The following LAMA1 variants were observed in gnomAD, a reference collection of about 807,000 sequenced individuals.
LAMA1 encodes laminin subunit alpha 1.
A neutral mutation model predicts 348.7 loss-of-function variants in LAMA1; 219 were observed. That is an observed-to-expected ratio of 0.63 (90% CI 0.56 to 0.70). The LOEUF (loss-of-function observed/expected upper bound fraction) is 0.70. LAMA1 is among the 30% of genes least tolerant of loss of function. LAMA1 has a pLI of 0.00. For missense variants in LAMA1, 3,744 were observed against 3,888.0 expected (o/e 0.96, Z 0.99); for synonymous variants, 1,487 against 1,491.0 (o/e 1.00, Z 0.06).
At position 7,062,388 on chromosome 18, in the gene LAMA1, G is replaced by A. The variant is rs925265602; in HGVS notation, c.346-11452C>T. The stretch of plus-strand genomic sequence containing the variant: ...GGGAACTCTGAGGGCAGAGCACAGA[G>A]GAAGGAGTGCAGAGATGGCAGGAGA... On this transcript the variant is annotated intron_variant, in intron 3 of 62. Coordinates refer to ENST00000389658, the MANE Select transcript of LAMA1 (RefSeq NM_005559.4). Among the ~76,000 whole-genome samples the A allele has an allele frequency of 2.0e-5, 3 of 152,220 alleles. No individual in the cohort carries two copies. The South Asian group carries it at 6.2e-4, about 31-fold the overall frequency.
At chr18:7,097,459 T>C (rs2058266470) in intron 1 of LAMA1, among the ~76,000 whole-genome samples, 1 of 151,112 alleles carries the variant, frequency 6.6e-6, no homozygotes, top group Non-Finnish European at 1.5e-5. Flanking sequence ...CTTAAATTGA[T>C]CTGTAGGTTC....
chr18:7,102,836 A>G (rs922989002), intron 1 of LAMA1, among the ~76,000 whole-genome samples: 13 of 152,224 alleles, frequency 8.5e-5, no homozygotes, highest in African/African-American at 2.9e-4. Flanking sequence ...CTAAATCTAG[A>G]AATAAGTTTT....
intron 61 of LAMA1, among the ~76,000 whole-genome samples, chr18:6,946,015 G>A (rs933092801): frequency 3.3e-5 from 5 of 152,012 alleles, no homozygotes; most frequent in African/African-American, 1.2e-4. Flanking sequence ...TTTTCAAGCA[G>A]GAGACTAAAG....
chr18:7,030,847 C>A (rs141661085), intron 16 of LAMA1, among the ~76,000 whole-genome samples: 107 of 150,166 alleles, frequency 7.1e-4, no homozygotes, highest in Non-Finnish European at 1.1e-3. Flanking sequence ...CCCACCCCAC[C>A]CCAAATGCTG....
intron 51 of LAMA1, among the ~76,000 whole-genome samples, chr18:6,962,870 A>T (rs1179773685): frequency 6.6e-6 from 1 of 152,134 alleles, no homozygotes; most frequent in Non-Finnish European, 1.5e-5. Context: ...TCTACTTCTC[A>T]ATGTTCAAGT....
chr18:6,976,162 T>C (rs999222750), intron 44 of LAMA1, 82 bp from the exon 45 acceptor site: 3 of 1,414,636 alleles, frequency 2.1e-6, no homozygotes, highest in African/African-American at 2.8e-5. Context: ...TGCTATTCTG[T>C]AATGAATTTT....
At chr18:6,992,520 TC>T (rs771178596) in intron 36 of LAMA1, 40 bp downstream of exon 36, 1 of 1,607,544 alleles carries the variant, frequency 6.2e-7, no homozygotes, top group South Asian at 1.1e-5. Context: ...CAAGTTTCTC[TC>T]TCTACTTGGT....
intron 1 of LAMA1, among the ~76,000 whole-genome samples, chr18:7,103,818 TA>T (rs879567305): frequency 0.019 from 2,694 of 141,692 alleles, 65 homozygotes; most frequent in African/African-American, 0.057. Flanking sequence ...GACTCCGTCT[TA>T]AAAAAAAAAA....
In LAMA1 at chr18:7,007,148, C is replaced by G; in HGVS notation, c.4251G>C (p.Gly1417=). ...CCACAAACCAGCATACCAGACACTT[C>G]CCGGTGTTGGGGTCACAGGTGTCAC... ...NHSDTCDPNT[G]KCLNCGDNTA... is the part of the protein sequence containing the mutation. Residue 1417 remains glycine (G), a synonymous_variant, in exon 29 of 63, where the codon GGG becomes GGC. Coordinates refer to ENST00000389658, the MANE Select transcript of LAMA1 (RefSeq NM_005559.4). 1 of 1,614,062 alleles carries G rather than the reference C, an allele frequency of 6.2e-7. No individual in the cohort carries two copies. The highest frequency in any genetic ancestry group is 8.5e-7 in the Non-Finnish European group (1 of 1,179,990).
Position 6,975,913 on chromosome 18 carries a change from G to A in LAMA1, c.6489+24C>T, listed in dbSNP as rs150449796. On this transcript the variant is annotated intron_variant, in intron 45 of 62. Coordinates refer to ENST00000389658, the MANE Select transcript of LAMA1 (RefSeq NM_005559.4). ...AGAAGTGCATAAAAGATTCAGTGTC[G>A]CTTTCCAAAGGTCCATAACTTACAG... 1.4e-4 allele frequency: 231 copies of A among 1,613,650 alleles called. No individual in the cohort carries two copies. The Admixed American group carries it at 2.4e-3, about 17-fold the overall frequency.
Position 6,942,181 on chromosome 18 carries a change from C to T in LAMA1, c.9126G>A (p.Lys3042=). 1 of 1,614,170 alleles carries T rather than the reference C, an allele frequency of 6.2e-7. No individual in the cohort carries two copies. The highest frequency in any genetic ancestry group is 1.1e-5 in the South Asian group (1 of 91,086). ...CCTGCGGGCTCTTAATCAGAGCTAG[C>T]TTCCTCAAACACCCGCGGAACGAGG... The part of the protein sequence containing the change: ...SQTSFRGCLR[K]LALIKSPQVQ... The change falls in exon 63 of 63, where the codon AAG becomes AAA. Residue 3042 remains lysine, a synonymous_variant. Transcript: ENST00000389658.
intron 17 of LAMA1, 37 bp from the exon 18 acceptor site, chr18:7,024,503 G>A (rs1479927618): frequency 6.6e-7 from 1 of 1,508,822 alleles, no homozygotes. Context: ...ATTTTCCAAT[G>A]GATGAAGCCG....
chr18:7,027,590 C>T (rs574992838), intron 16 of LAMA1, among the ~76,000 whole-genome samples: 4 of 151,158 alleles, frequency 2.6e-5, no homozygotes, highest in Non-Finnish European at 4.4e-5. Flanking sequence ...AAAAACAAAA[C>T]CCAGTCATTA....
At chr18:7,007,947 T>TTATTTATTTATTTATTTATC (rs1555651821) in intron 28 of LAMA1, among the ~76,000 whole-genome samples, 1 of 151,606 alleles carries the variant, frequency 6.6e-6, no homozygotes, top group African/African-American at 2.4e-5. Context: ...ATTTATTTAT[T>TTATTTATTTATTTATTTATC]TTTGAGACGG....
At position 7,011,399 on chromosome 18, in the gene LAMA1, G is replaced by A. The variant is rs750526609; in HGVS notation, c.3588C>T (p.Tyr1196=). 4.6e-5 allele frequency: 74 copies of A among 1,610,614 alleles called. 2 individuals are homozygous for A. The South Asian group carries it at 8.0e-4, about 17-fold the overall frequency. The change falls in exon 25 of 63, where the codon TAC becomes TAT. Residue 1196 remains tyrosine (Y), a synonymous_variant. Coordinates refer to ENST00000389658, the MANE Select transcript of LAMA1 (RefSeq NM_005559.4). ...NLRGTTEGVY[Y]QAPDFLLDAA... Reference sequence around the variant, plus strand: ...CATCCAGCAGGAAGTCGGGGGCCTGGTAGTAAACCCCCTCGGTCGTGCCCC... The same window carrying A: ...CATCCAGCAGGAAGTCGGGGGCCTGATAGTAAACCCCCTCGGTCGTGCCCC...
rs748368066 is a variant in LAMA1, at chr18:6,943,251, C to T, written c.8996G>A (p.Gly2999Asp). 18 of 1,614,176 alleles carry T rather than the reference C, an allele frequency of 1.1e-5. No individual in the cohort carries two copies. The highest frequency in any genetic ancestry group is 1.5e-5 in the Non-Finnish European group (18 of 1,180,036). Residue 2999 changes from glycine to aspartate, a missense_variant, in exon 62 of 63, where the codon GGC (glycine) becomes GAC (aspartate). Physicochemically the swap from Gly to Asp is moderately conservative, Grantham distance 94. This residue lies in a region of LAMA1 where 232 missense variants were observed against 264.4 expected (regional missense o/e 0.88). Transcript: ENST00000389658. The part of the protein sequence containing the change: ...ITLIVDGNAV[G>D]AESPHTQSTS... ...AGACTGGGTGTGTGGACTTTCAGCG[C>T]CAACTGCGTTCCCGTCAACAATCAG...
intron 1 of LAMA1, among the ~76,000 whole-genome samples, chr18:7,105,390 G>T (rs996442660): frequency 8.5e-5 from 13 of 152,170 alleles, no homozygotes; most frequent in African/African-American, 2.9e-4. Flanking sequence ...AGTGAGCTGA[G>T]ATCGCACCTC....
intron 48 of LAMA1, among the ~76,000 whole-genome samples, chr18:6,970,795 T>C (rs1555645739): frequency 6.6e-6 from 1 of 152,156 alleles, no homozygotes; most frequent in Non-Finnish European, 1.5e-5. Flanking sequence ...GTATTTTTAA[T>C]AGAGACGGAG....
intron 23 of LAMA1, among the ~76,000 whole-genome samples, chr18:7,012,496 T>A (rs925510931): frequency 1.1e-4 from 14 of 122,490 alleles, no homozygotes; most frequent in Non-Finnish European, 8.1e-5. Context: ...TTATTATTAT[T>A]ATATTATTAT....
Sources: gnomAD v4.1 joint callset for allele counts (sites outside exome capture counted in the v4.1 genomes callset) on GRCh38, gnomAD v4.1.1 for gene constraint, gnomAD v4.1.1 regional missense constraint, MANE v1.5 for transcripts, NCBI Gene and HGNC (gene_info 2026-07-23, HGNC 2026-07-21) for gene names.